Variants in MYO1B observed in about 807,000 individuals in gnomAD.
The protein encoded by MYO1B is unconventional myosin-Ib.
Under a neutral mutation model 159.7 loss-of-function variants are expected in MYO1B, and 72 were observed. The ratio of observed to expected loss-of-function variants is 0.45; its 90% CI spans 0.37 to 0.55. MYO1B has a LOEUF of 0.55. Ranked by LOEUF, MYO1B falls within the 20% of genes least tolerant of loss-of-function variation. The probability of loss-of-function intolerance (pLI) is 0.00; values close to 1 mark genes in which losing one functional copy is unlikely to be tolerated. For synonymous variants in MYO1B, 468 were observed against 473.8 expected, an observed-to-expected ratio of 0.99 and a Z score of 0.16; for missense variants, 1,062 against 1,364.8, an observed-to-expected ratio of 0.78 and a Z score of 3.50.
chr2:191,397,407 C>G (rs1696184448), intron 21 of MYO1B, among the ~76,000 whole-genome samples: 1 of 149,992 alleles, frequency 6.7e-6, no homozygotes, highest in African/African-American at 2.4e-5. Context: ...AACGAGCATG[C>G]TGACTTCAAG....
At chr2:191,351,759 A>G (rs1692940982) in intron 7 of MYO1B, among the ~76,000 whole-genome samples, 1 of 152,162 alleles carries the variant, frequency 6.6e-6, no homozygotes, top group Admixed American at 6.5e-5. Flanking sequence ...GTGATGGCGC[A>G]TGCCTGTGGT....
chr2:191,423,996 T>G lies in MYO1B; in HGVS notation c.*36T>G, dbSNP rs1168010817. On this transcript the variant is annotated 3_prime_UTR_variant, in exon 31 of 31. Transcript: ENST00000392318. ...CTCTCTACTTTCATGGACTTGTTCC[T>G]TTGTAATAGTGCAATTTGGTTTTGT... The G allele has an allele frequency of 6.3e-7, 1 of 1,596,258 alleles. No individual in the cohort carries two copies. Among genetic ancestry groups the G allele is most frequent in the Non-Finnish European group, 8.5e-7 (1 of 1,172,212 alleles).
Position 191,369,560 on chromosome 2 carries a change from G to A in MYO1B, c.1051G>A (p.Ala351Thr). The stretch of plus-strand genomic sequence containing the variant: ...TTAATAGGCTTATTATGCCCGTGAT[G>A]CTCTGGCTAAAAACCTCTACAGCAG... The part of the protein sequence containing the change: ...NVAQAYYARD[A>T]LAKNLYSRLF... The change falls in exon 12 of 31, where the codon GCT becomes ACT. Residue 351 changes from alanine to threonine, a missense_variant. By Grantham distance (58) the Ala-to-Thr change is moderately conservative. Transcript: ENST00000392318. 6.2e-7 allele frequency: 1 copy of A among 1,613,296 alleles called. No homozygotes were observed. Among genetic ancestry groups the A allele is most frequent in the Non-Finnish European group, 8.5e-7 (1 of 1,179,476 alleles).
chr2:191,341,313 A>G (rs1230124104), intron 4 of MYO1B, 148 bp from the exon 5 acceptor site: 6 of 568,030 alleles, frequency 1.1e-5, no homozygotes, highest in Non-Finnish European at 1.8e-5. Flanking sequence ...CAAATATTTT[A>G]GAAAGGTATC....
chr2:191,263,157 G>A (rs748392037), intron 1 of MYO1B: 9 of 170,534 alleles, frequency 5.3e-5, no homozygotes, highest in Non-Finnish European at 9.4e-5. Context: ...ATGGACTCTC[G>A]ATCAACTTTA....
chr2:191,376,591 A>C (rs1374645475), intron 13 of MYO1B, among the ~76,000 whole-genome samples: 9 of 152,226 alleles, frequency 5.9e-5, no homozygotes, highest in Admixed American at 6.6e-5. Flanking sequence ...TGTATGTAAA[A>C]ATGTAGAAAC....
At chr2:191,382,085 T>G (rs1695074416) in intron 14 of MYO1B, among the ~76,000 whole-genome samples, 1 of 152,166 alleles carries the variant, frequency 6.6e-6, no homozygotes, top group South Asian at 2.1e-4. Context: ...CTTTTCATCA[T>G]TAATTTAAAA....
intron 3 of MYO1B, among the ~76,000 whole-genome samples, chr2:191,310,819 T>A (rs572732714): frequency 1.3e-5 from 2 of 152,208 alleles, no homozygotes; most frequent in Non-Finnish European, 2.9e-5. Flanking sequence ...CTGGAAAAAA[T>A]TTTCAGACTT....
Position 191,325,787 on chromosome 2 carries a change from A to G in MYO1B, c.252-4148A>G, listed in dbSNP as rs546740934. 8.5e-5 allele frequency among the ~76,000 whole-genome samples: 13 copies of G among 152,288 alleles called. 1 individual carries two copies. Among genetic ancestry groups the G allele is most frequent in the Admixed American group, 2.0e-4 (3 of 15,296 alleles). ...ACAGAAATAAGATGGGAGAGGAACA[A>G]AAATACCAGCTAGACAATTGTGAAC... On this transcript the variant is annotated intron_variant, in intron 3 of 30. Coordinates refer to ENST00000392318, the MANE Select transcript of MYO1B (RefSeq NM_001130158.3).
chr2:191,390,070 T>C (rs1205999819), intron 17 of MYO1B, among the ~76,000 whole-genome samples: 1 of 152,244 alleles, frequency 6.6e-6, no homozygotes. Flanking sequence ...CATTATTGCA[T>C]TTATTAGTGT....
chr2:191,274,241 T>A (rs1574313088), intron 1 of MYO1B, among the ~76,000 whole-genome samples: 1 of 152,178 alleles, frequency 6.6e-6, no homozygotes. Flanking sequence ...TATTCAGAGG[T>A]CTTCACTGTT....
intron 6 of MYO1B, among the ~76,000 whole-genome samples, chr2:191,349,259 A>T (rs1264476075): frequency 1.3e-5 from 2 of 152,234 alleles, no homozygotes; most frequent in Non-Finnish European, 2.9e-5. Context: ...AGGACCCATG[A>T]TGATGAAAAA....
chr2:191,344,820 A>C (rs1337743927), intron 5 of MYO1B, among the ~76,000 whole-genome samples: 2 of 106,754 alleles, frequency 1.9e-5, no homozygotes, highest in East Asian at 2.7e-4. Flanking sequence ...ACAGAGCGAG[A>C]CTCCGTCTCA....
chr2:191,408,197 G>T lies in MYO1B; in HGVS notation c.2631+8G>T. 6.3e-7 allele frequency: 1 copy of T among 1,599,766 alleles called. No homozygotes were observed. The highest frequency in any genetic ancestry group is 1.1e-5 in the South Asian group (1 of 90,710). ...TTTACGCTTCAGAGAATTGTAAGTT[G>T]ACACTTTATATCTGTGGATAATCAG... On this transcript the variant is annotated splice_region_variant and intron_variant, in intron 25 of 30. Transcript: ENST00000392318.
At position 191,302,605 on chromosome 2, in the gene MYO1B, CAGA is replaced by C. The variant is rs1034385622; in HGVS notation, c.251+6386_251+6388del. Among the ~76,000 whole-genome samples, 15 of 152,234 alleles carry C rather than the reference CAGA, an allele frequency of 9.9e-5. 1 individual carries two copies. The highest frequency in any genetic ancestry group is 5.9e-4 in the Admixed American group (9 of 15,294). On this transcript the variant is annotated intron_variant, in intron 3 of 30. Coordinates refer to ENST00000392318, the MANE Select transcript of MYO1B (RefSeq NM_001130158.3). Reference sequence around the variant, plus strand: ...ATGTCTATTGGAAGGAACTTGCCACCAGAAGAAGAGTGTATTGTGGTACCTGGC... The same window carrying C: ...ATGTCTATTGGAAGGAACTTGCCACCAGAAGAGTGTATTGTGGTACCTGGC...
At chr2:191,305,213 C>T (rs73058695) in intron 3 of MYO1B, among the ~76,000 whole-genome samples, 2,183 of 152,268 alleles carry the variant, frequency 0.014, 52 homozygotes, top group African/African-American at 0.05. Flanking sequence ...GAATCTTTGC[C>T]ACAATCTGTT....
rs540119412 is a variant in MYO1B, at chr2:191,414,057, A to G, written c.2883A>G (p.Gln961=). 106 of 1,603,870 alleles carry G rather than the reference A, an allele frequency of 6.6e-5. No homozygotes were observed. Among genetic ancestry groups the G allele is most frequent in the Admixed American group, 8.6e-5 (5 of 58,214 alleles). Residue 961 remains glutamine, a synonymous_variant, in exon 28 of 31, where the codon CAA becomes CAG. Transcript: ENST00000392318. The part of the protein sequence containing the change: ...KKALYPSSVG[Q]PFQGAYLEIN... ...AATTTTTTTCCTTTAGTGTTGGGCA[A>G]CCATTCCAAGGGGCTTACCTGGAAA...
intron 28 of MYO1B, 72 bp downstream of exon 28, chr2:191,414,252 T>C: frequency 6.6e-7 from 1 of 1,521,764 alleles, no homozygotes; most frequent in Non-Finnish European, 8.8e-7. Flanking sequence ...TTTCTGAATG[T>C]AAAAATTTGC....
At chr2:191,305,560 A>T (rs1460706626) in intron 3 of MYO1B, among the ~76,000 whole-genome samples, 1 of 152,192 alleles carries the variant, frequency 6.6e-6, no homozygotes, top group Non-Finnish European at 1.5e-5. Flanking sequence ...TTAAGCATCC[A>T]CAACATGTTG....
Sources: gnomAD v4.1 joint callset for allele counts (sites outside exome capture counted in the v4.1 genomes callset) on GRCh38, gnomAD v4.1.1 for gene constraint, MANE v1.5 for transcripts, NCBI Gene and HGNC (gene_info 2026-07-23, HGNC 2026-07-21) for gene names.